Variants in DRD2 observed in about 807,000 individuals in gnomAD.
DRD2 encodes dopamine receptor D2.
Under a neutral mutation model 38.0 loss-of-function variants are expected in DRD2, and 8 were observed. The ratio of observed to expected loss-of-function variants is 0.21; its 90% CI spans 0.12 to 0.38. The LOEUF (loss-of-function observed/expected upper bound fraction) is 0.38, where lower values mean the gene tolerates loss of function less well. Ranked by LOEUF, DRD2 falls within the 10% of genes least tolerant of loss-of-function variation. The pLI is 1.00. For synonymous variants in DRD2, 230 were observed against 238.6 expected (o/e 0.96, Z 0.33); for missense variants, 403 against 607.7 (o/e 0.66, Z 3.54).
chr11:113,463,328 A>G (rs1424925041), intron 1 of DRD2, among the ~76,000 whole-genome samples: 2 of 152,216 alleles, frequency 1.3e-5, no homozygotes, highest in South Asian at 2.1e-4. Flanking sequence ...AGTGTGGTGC[A>G]CACCATCTGT....
At chr11:113,446,807 G>A (rs989942186) in intron 1 of DRD2, among the ~76,000 whole-genome samples, 2 of 152,216 alleles carry the variant, frequency 1.3e-5, no homozygotes, top group Non-Finnish European at 1.5e-5. Flanking sequence ...GGCTGTAAGA[G>A]CACCATTTAG....
chr11:113,447,513 T>A (rs1951163691), intron 1 of DRD2: 1 of 148,564 alleles, frequency 6.7e-6, no homozygotes, highest in African/African-American at 2.5e-5. Flanking sequence ...GAAAAGAAAG[T>A]GCTGCTTGTT....
chr11:113,471,249 A>G (rs531293784), intron 1 of DRD2, among the ~76,000 whole-genome samples: 21 of 152,360 alleles, frequency 1.4e-4, no homozygotes, highest in Non-Finnish European at 1.9e-4. Flanking sequence ...GAAATCTCCA[A>G]TTACATTGGT....
rs560805702 is a variant in DRD2, at chr11:113,474,563, C to G, written c.-32+513G>C. 287 of 152,454 alleles carry G rather than the reference C, an allele frequency of 1.9e-3. 4 individuals carry two copies. Among genetic ancestry groups the G allele is most frequent in the Non-Finnish European group, 3.5e-3 (237 of 68,124 alleles). The allele number at this position is 152,454 out of a possible 1,614,324, so 9.4% of individuals were successfully genotyped here. ...ATCCAGCCAGAATCTGCCTCTCCCCCATCCTTAGCTTCTGCCTTAGAAACT... is the reference window on the plus strand; with the variant it reads ...ATCCAGCCAGAATCTGCCTCTCCCCGATCCTTAGCTTCTGCCTTAGAAACT... On this transcript the variant is annotated intron_variant, in intron 1 of 7. Coordinates refer to ENST00000362072, the MANE Select transcript of DRD2 (RefSeq NM_000795.4).
At chr11:113,470,787 G>T (rs1456607344) in intron 1 of DRD2, among the ~76,000 whole-genome samples, 1 of 152,204 alleles carries the variant, frequency 6.6e-6, no homozygotes, top group South Asian at 2.1e-4. Flanking sequence ...AGGCTTCTGA[G>T]TTCAAAGCAC....
intron 2 of DRD2, 79 bp from the exon 3 acceptor site, chr11:113,418,215 C>T: frequency 4.2e-6 from 5 of 1,189,756 alleles, no homozygotes; most frequent in Non-Finnish European, 5.0e-6. Context: ...ACTCCTGGAG[C>T]CGATGAGGCC....
chr11:113,470,474 C>T (rs1951413696), intron 1 of DRD2, among the ~76,000 whole-genome samples: 1 of 152,184 alleles, frequency 6.6e-6, no homozygotes, highest in Non-Finnish European at 1.5e-5. Context: ...CCCTTACCGC[C>T]CTCTGTCTGG....
intron 3 of DRD2, 152 bp downstream of exon 3, chr11:113,417,875 T>C: frequency 1.4e-6 from 1 of 705,966 alleles, no homozygotes. Flanking sequence ...CATACACACA[T>C]GCACACCCAT....
intron 1 of DRD2, among the ~76,000 whole-genome samples, chr11:113,451,054 C>T (rs1951205738): frequency 1.3e-5 from 2 of 152,166 alleles, no homozygotes; most frequent in Admixed American, 6.5e-5. Flanking sequence ...CACAGTGGGT[C>T]CAGTGGGTCT....
At chr11:113,426,538 A>G (rs1040217201) in intron 1 of DRD2, among the ~76,000 whole-genome samples, 20 of 152,162 alleles carry the variant, frequency 1.3e-4, no homozygotes, top group African/African-American at 4.8e-4. Context: ...GCCATTTGGG[A>G]TGAATGTGGT....
rs569688981 is a variant in DRD2 at position 113,437,398 on chromosome 11, C to T, written c.-31-12716G>A. On this transcript the variant is annotated intron_variant, in intron 1 of 7. Transcript: ENST00000362072. ...TCCTTCATGGGGATGGGCAGGGTCT[C>T]ACCCCTCCAGGCTGGTAGGTGTCAG... Among the ~76,000 whole-genome samples the T allele has an allele frequency of 1.0e-3, 155 of 152,262 alleles. 1 individual carries two copies. Among genetic ancestry groups the T allele is most frequent in the African/African-American group, 3.6e-3 (149 of 41,542 alleles).
chr11:113,418,095 G>T lies in DRD2; in HGVS notation c.327C>A (p.Ile109=), dbSNP rs1264833894. Residue 109 remains isoleucine, a synonymous_variant, in exon 3 of 8, where the codon ATC becomes ATA. Coordinates refer to ENST00000362072, the MANE Select transcript of DRD2 (RefSeq NM_000795.4). Reference sequence around the variant, plus strand: ...ACATCATGACGTCCAGAGTGACGAAGATGTCACAGTGAATCCTGCTGAATT... The same window carrying T: ...ACATCATGACGTCCAGAGTGACGAATATGTCACAGTGAATCCTGCTGAATT... ...EWKFSRIHCD[I]FVTLDVMMCT... 6.2e-7 allele frequency: 1 copy of T among 1,614,220 alleles called. No homozygotes were observed. The highest frequency in any genetic ancestry group is 2.2e-5 in the East Asian group (1 of 44,890).
chr11:113,457,955 G>C (rs924797961), intron 1 of DRD2, among the ~76,000 whole-genome samples: 3 of 152,400 alleles, frequency 2.0e-5, no homozygotes, highest in African/African-American at 7.2e-5. Context: ...GGACACAGCA[G>C]GCCAGCAGCA....
intron 1 of DRD2, among the ~76,000 whole-genome samples, chr11:113,434,918 GCCCAGCTATCGAAAGGGC>G: frequency 6.6e-6 from 1 of 152,312 alleles, no homozygotes; most frequent in South Asian, 2.1e-4. Context: ...ACAGTTCCTT[GCCCAGCTATCGAAAGGGC>G]CCCTGTGTGA....
chr11:113,412,497 T>A (rs1054059786), intron 7 of DRD2, 59 bp downstream of exon 7: 5 of 1,591,652 alleles, frequency 3.1e-6, no homozygotes, highest in Middle Eastern at 1.7e-4. Flanking sequence ...AGGAAGGACA[T>A]GGCAGGGAAT....
At chr11:113,425,286 A>G (rs1076562) in intron 1 of DRD2, among the ~76,000 whole-genome samples, 98,646 of 152,078 alleles carry the variant, frequency 0.65, 33,371 homozygotes, top group Non-Finnish European at 0.76. Flanking sequence ...TCAACAGACA[A>G]ACAACTGAAG....
chr11:113,424,137 C>T lies in DRD2; in HGVS notation c.285+230G>A, dbSNP rs115694469. Among the ~76,000 whole-genome samples, 504 of 152,316 alleles carry T rather than the reference C, an allele frequency of 3.3e-3. 4 individuals are homozygous for T. Among genetic ancestry groups the T allele is most frequent in the African/African-American group, 0.012 (478 of 41,560 alleles). On this transcript the variant is annotated intron_variant, in intron 2 of 7. Coordinates refer to ENST00000362072, the MANE Select transcript of DRD2 (RefSeq NM_000795.4). ...TAGGAAAATGCTATATTTAAAGTCC[C>T]TACGTGAGGCCCAGCACTTAGTAAG...
At position 113,435,525 on chromosome 11, in the gene DRD2, G is replaced by A. The variant is rs539890394; in HGVS notation, c.-31-10843C>T. 3.0e-4 allele frequency among the ~76,000 whole-genome samples: 46 copies of A among 152,238 alleles called. 1 individual carries two copies. The highest frequency in any genetic ancestry group is 3.4e-3 in the Middle Eastern group (1 of 294). On this transcript the variant is annotated intron_variant, in intron 1 of 7. Transcript: ENST00000362072. ...AGGCAGGTGGAGGTGTGGGGCTGGG[G>A]CCCCCTCCCTGAGAAGGGAACACAG...
chr11:113,462,906 C>G (rs372049661), intron 1 of DRD2, among the ~76,000 whole-genome samples: 1 of 152,138 alleles, frequency 6.6e-6, no homozygotes, highest in African/African-American at 2.4e-5. Context: ...TCCCCCTTCT[C>G]CTGCCCCCTC....
Sources: gnomAD v4.1 joint callset for allele counts (sites outside exome capture counted in the v4.1 genomes callset) on GRCh38, gnomAD v4.1.1 for gene constraint, MANE v1.5 for transcripts, NCBI Gene and HGNC (gene_info 2026-07-23, HGNC 2026-07-21) for gene names.